Variants in FIGNL2 observed in about 807,000 individuals in gnomAD.
The protein encoded by FIGNL2 is fidgetin-like protein 2.
For synonymous variants in FIGNL2, 565 were observed against 484.0 expected (o/e 1.17, Z -2.20); for missense variants, 1,060 against 950.2 (o/e 1.12, Z -1.52).
intron 1 of FIGNL2, among the ~76,000 whole-genome samples, chr12:51,841,118 C>A (rs1939653625): frequency 6.6e-6 from 1 of 152,228 alleles, no homozygotes; most frequent in Non-Finnish European, 1.5e-5. Context: ...GGGGGCTGAG[C>A]CGAGTAACTC....
Position 51,821,138 on chromosome 12 carries a change from G to A in FIGNL2, c.1276C>T (p.Arg426Trp). The change falls in exon 2 of 2, where the codon CGG (arginine) becomes TGG (tryptophan). Residue 426 changes from arginine (R) to tryptophan (W), a missense_variant. Transcript: ENST00000618634. ...PAYPGSLRPP[R>W]TVLLFGPRGA... ...CGCGGCCCAAAGAGCAGGACGGTCC[G>A]CGGCGGGCGCAGGCTGCCCGGGTAG... is the stretch of plus-strand genomic sequence containing the variant. 6.9e-7 allele frequency: 1 copy of A among 1,459,636 alleles called. No individual in the cohort carries two copies. Among genetic ancestry groups the A allele is most frequent in the South Asian group, 1.3e-5 (1 of 74,386 alleles). 90.4% of individuals were successfully genotyped at this position (1,459,636 alleles called of 1,614,324 possible).
chr12:51,829,165 G>C (rs1939404231), intron 1 of FIGNL2, among the ~76,000 whole-genome samples: 1 of 152,272 alleles, frequency 6.6e-6, no homozygotes, highest in Non-Finnish European at 1.5e-5. Context: ...TCTCAGCCTG[G>C]AACAAAGAGG....
At chr12:51,840,651 C>A (rs1939644679) in intron 1 of FIGNL2, among the ~76,000 whole-genome samples, 1 of 152,134 alleles carries the variant, frequency 6.6e-6, no homozygotes, top group Non-Finnish European at 1.5e-5. Context: ...AAGAGAATTG[C>A]TTGAACCCAG....
At chr12:51,837,636 C>T (rs545763781) in intron 1 of FIGNL2, among the ~76,000 whole-genome samples, 10 of 152,336 alleles carry the variant, frequency 6.6e-5, no homozygotes, top group East Asian at 3.9e-4. Context: ...AGCCCCTCCA[C>T]GTTTTCTCTG....
chr12:51,824,642 C>G (rs117421042), intron 1 of FIGNL2: 1 of 152,128 alleles, frequency 6.6e-6, no homozygotes, highest in Non-Finnish European at 1.5e-5. Flanking sequence ...CAGCTCTTGC[C>G]GAGCAGGATC....
chr12:51,825,924 T>TA (rs1939332993), intron 1 of FIGNL2: 1 of 152,188 alleles, frequency 6.6e-6, no homozygotes, highest in African/African-American at 2.4e-5. Context: ...CCGACACTCT[T>TA]ATCTAGACCA....
chr12:51,846,370 G>T (rs1592197634), intron 1 of FIGNL2, among the ~76,000 whole-genome samples: 1 of 152,218 alleles, frequency 6.6e-6, no homozygotes, highest in Admixed American at 6.5e-5. Context: ...GGGACAATGA[G>T]GAAGGCATTT....
intron 1 of FIGNL2, chr12:51,847,858 C>T: frequency 8.1e-6 from 8 of 983,200 alleles, no homozygotes; most frequent in South Asian, 4.7e-5. Flanking sequence ...GAGCTGGGCG[C>T]TCCGGGGGTC....
chr12:51,828,938 A>G (rs895590151), intron 1 of FIGNL2, among the ~76,000 whole-genome samples: 2 of 152,212 alleles, frequency 1.3e-5, no homozygotes, highest in African/African-American at 4.8e-5. Flanking sequence ...ACACAGCATC[A>G]ACACCCTCCT....
rs574976558 is a variant in FIGNL2, at chr12:51,822,180, C to G, written c.234G>C (p.Pro78=). The change falls in exon 2 of 2, where the codon CCG becomes CCC. Residue 78 remains proline (P), a synonymous_variant. Transcript: ENST00000618634. ...SGVLDSPYER[P]ALGGYSDASF... ...AGGCGTCGCTGTACCCGCCCAGGGC[C>G]GGACGCTCGTAGGGAGAATCCAAGA... The G allele has an allele frequency of 6.2e-7, 1 of 1,611,624 alleles. No homozygotes were observed. Among genetic ancestry groups the G allele is most frequent in the East Asian group, 2.2e-5 (1 of 44,758 alleles).
rs1187759682 is a variant in FIGNL2 at position 51,821,137 on chromosome 12, C to G, written c.1277G>C (p.Arg426Pro). 48 of 1,459,188 alleles carry G rather than the reference C, an allele frequency of 3.3e-5. No individual in the cohort carries two copies. The highest frequency in any genetic ancestry group is 7.5e-5 in the African/African-American group (5 of 66,800). The allele number at this position is 1,459,188 out of a possible 1,614,324, so 90.4% of individuals were successfully genotyped here. A position where few individuals can be genotyped will look rare whatever the true frequency, so the allele number is the denominator to read the frequency against. The change falls in exon 2 of 2, where the codon CGG becomes CCG. Residue 426 changes from arginine to proline, a missense_variant. Coordinates refer to ENST00000618634, the MANE Select transcript of FIGNL2 (RefSeq NM_001384995.1). ...CCGCGGCCCAAAGAGCAGGACGGTC[C>G]GCGGCGGGCGCAGGCTGCCCGGGTA... ...PAYPGSLRPP[R>P]TVLLFGPRGA...
In FIGNL2 at chr12:51,822,101, G is replaced by T. The variant is rs570386648; in HGVS notation, c.313C>A (p.Pro105Thr). The change falls in exon 2 of 2, where the codon CCC becomes ACC. Residue 105 changes from proline (P) to threonine (T), a missense_variant. By Grantham distance (38) the Pro-to-Thr change is conservative (BLOSUM62 -1). Transcript: ENST00000618634. Reference sequence around the variant, plus strand: ...TCGTGGAGTGAGGCCAAGGGGTAGGGTGGCTCCGGCCCTGGCCAGGGCTCG... The same window carrying T: ...TCGTGGAGTGAGGCCAAGGGGTAGGTTGGCTCCGGCCCTGGCCAGGGCTCG... ...DPEPWPGPEP[P>T]YPLASLHEGL... 2.5e-6 allele frequency: 4 copies of T among 1,611,250 alleles called. No individual in the cohort carries two copies. In the South Asian group the frequency reaches 4.4e-5, roughly 18 times the overall value.
At chr12:51,845,632 A>C in intron 1 of FIGNL2, 1 of 985,410 alleles carries the variant, frequency 1.0e-6, no homozygotes, top group Non-Finnish European at 1.2e-6. Context: ...ATAACCGCCA[A>C]GTCCAGGAGA....
Position 51,821,370 on chromosome 12 carries a change from G to T in FIGNL2, c.1044C>A (p.Phe348Leu). 1 of 1,506,664 alleles carries T rather than the reference G, an allele frequency of 6.6e-7. No individual in the cohort carries two copies. The highest frequency in any genetic ancestry group is 2.1e-5 in the Admixed American group (1 of 47,298). The allele number at this position is 1,506,664 out of a possible 1,614,324, so 93.3% of individuals were successfully genotyped here. A position where few individuals can be genotyped will look rare whatever the true frequency, so the allele number is the denominator to read the frequency against. ...CACGAGGAGCCGGGGCCCGCTCCGG[G>T]AACTTTTCAAAGGGCTCCAGTTGCG... ...YGPQLEPFEK[F>L]PERAPAPRGG... is the part of the protein sequence containing the mutation. Residue 348 changes from phenylalanine (F) to leucine (L), a missense_variant, in exon 2 of 2, where the codon TTC becomes TTA. Transcript: ENST00000618634.
intron 1 of FIGNL2, among the ~76,000 whole-genome samples, chr12:51,834,316 G>A (rs1291102045): frequency 6.6e-6 from 1 of 152,064 alleles, no homozygotes; most frequent in Non-Finnish European, 1.5e-5. Context: ...GAACACCAGA[G>A]GAAAGTGTCC....
Position 51,821,099 on chromosome 12 carries a change from C to T in FIGNL2, c.1315G>A (p.Ala439Thr), listed in dbSNP as rs942935925. The change falls in exon 2 of 2, where the codon GCG (alanine) becomes ACG (threonine). Residue 439 changes from alanine to threonine, a missense_variant. Transcript: ENST00000618634. Reference sequence around the variant, plus strand: ...GTGGCGAGGCAGCGGCCCAGCAGCGCTTTGCCCGCGCCCCGCGGCCCAAAG... The same window carrying T: ...GTGGCGAGGCAGCGGCCCAGCAGCGTTTTGCCCGCGCCCCGCGGCCCAAAG... ...LLFGPRGAGK[A>T]LLGRCLATQL... The T allele has an allele frequency of 4.4e-6, 6 of 1,370,972 alleles. No individual in the cohort carries two copies. The highest frequency in any genetic ancestry group is 3.1e-5 in the African/African-American group (2 of 64,854). 84.9% of individuals were successfully genotyped at this position (1,370,972 alleles called of 1,614,324 possible).
At chr12:51,835,027 A>T (rs1025893245) in intron 1 of FIGNL2, among the ~76,000 whole-genome samples, 2 of 152,326 alleles carry the variant, frequency 1.3e-5, no homozygotes, top group East Asian at 3.9e-4. Context: ...TGCCTACCCC[A>T]GCCTAGAGGC....
intron 1 of FIGNL2, among the ~76,000 whole-genome samples, chr12:51,833,950 C>T (rs11169920): frequency 4.4e-5 from 6 of 135,852 alleles, no homozygotes; most frequent in Non-Finnish European, 6.5e-5. Context: ...GATGGACAGA[C>T]GGACGGATGG....
chr12:51,828,085 T>C (rs539470856), intron 1 of FIGNL2, among the ~76,000 whole-genome samples: 2 of 152,128 alleles, frequency 1.3e-5, no homozygotes, highest in Non-Finnish European at 1.5e-5. Flanking sequence ...TCACCAACAC[T>C]CACTTCCTGG....
Sources: allele counts gnomAD v4.1 joint callset (sites outside exome capture counted in the v4.1 genomes callset), GRCh38; gene constraint gnomAD v4.1.1; transcripts MANE v1.5; gene names NCBI Gene and HGNC (gene_info 2026-07-23, HGNC 2026-07-21).